DCDC1: variants seen among roughly 807,000 people sequenced by gnomAD.
The protein encoded by DCDC1 is doublecortin domain containing 1.
Under a neutral mutation model 178.3 loss-of-function variants are expected in DCDC1, and 200 were observed. The observed-to-expected ratio is 1.12, with a 90% CI of 1.00 to 1.26. The LOEUF is 1.26. DCDC1 is among the 50% of genes most tolerant of loss of function. The pLI is 0.00. For missense variants in DCDC1, 1,983 were observed against 1,749.2 expected, an observed-to-expected ratio of 1.13 and a Z score of -2.38; for synonymous variants, 690 against 604.8, an observed-to-expected ratio of 1.14 and a Z score of -2.07.
In DCDC1 at chr11:31,077,926, C is replaced by G; in HGVS notation, c.2238-1G>C. The G allele has an allele frequency of 1.3e-6, 1 of 766,026 alleles. No individual in the cohort carries two copies. The highest frequency in any genetic ancestry group is 2.4e-6 in the Non-Finnish European group (1 of 417,690). The allele number at this position is 766,026 out of a possible 1,614,324, so 47.5% of individuals were successfully genotyped here. A position where few individuals can be genotyped will look rare whatever the true frequency, so the allele number is the denominator to read the frequency against. On this transcript the variant is annotated splice_acceptor_variant, in intron 17 of 38. Transcript: ENST00000684477. LOFTEE classifies it high-confidence loss of function. ...CTTCTGAGAGTCATCTCCACTATGT[C>G]TGTAACGAAAATGTAATTTAGAGAT...
At chr11:30,950,734 A>G (rs1948368094) in intron 21 of DCDC1, among the ~76,000 whole-genome samples, 3 of 152,088 alleles carry the variant, frequency 2.0e-5, no homozygotes, top group Admixed American at 6.6e-5. Context: ...GAATAAAGGG[A>G]GGTTGTTTAA....
intron 7 of DCDC1, 110 bp downstream of exon 7, chr11:31,290,537 T>G (rs1591655349): frequency 8.4e-7 from 1 of 1,189,050 alleles, no homozygotes; most frequent in East Asian, 2.6e-5. Flanking sequence ...TAATGTCTTG[T>G]TAATATTTCT....
intron 9 of DCDC1, among the ~76,000 whole-genome samples, chr11:31,206,407 GTGTT>G (rs756778116): frequency 1.3e-5 from 2 of 151,904 alleles, no homozygotes; most frequent in African/African-American, 2.4e-5. Flanking sequence ...ATGGATTTCT[GTGTT>G]TGTTTGTTTG....
intron 33 of DCDC1, 34 bp downstream of exon 33, chr11:30,900,312 C>G: frequency 2.0e-6 from 3 of 1,478,158 alleles, no homozygotes; most frequent in African/African-American, 2.8e-5. Context: ...CCTTCATATA[C>G]TTGCTTGAAA....
In DCDC1 at chr11:30,894,316, C is replaced by T. The variant is rs373790828; in HGVS notation, c.4834G>A (p.Val1612Ile). 1 of 1,613,934 alleles carries T rather than the reference C, an allele frequency of 6.2e-7. No individual in the cohort carries two copies. The highest frequency in any genetic ancestry group is 1.3e-5 in the African/African-American group (1 of 75,062). ...PTKSPVQPVV[V>I]EGGWTEQTQQ... Reference sequence around the variant, plus strand: ...GTCTGTTCGGTCCAGCCTCCTTCAACCACCACGGGCTGCACAGGGCTCTTG... The same window carrying T: ...GTCTGTTCGGTCCAGCCTCCTTCAATCACCACGGGCTGCACAGGGCTCTTG... The change falls in exon 35 of 39, where the codon GTT becomes ATT. Residue 1612 changes from valine to isoleucine, a missense_variant. By Grantham distance (29) the Val-to-Ile change is conservative (BLOSUM62 3). Transcript: ENST00000684477.
chr11:31,049,073 T>C (rs1045837298), intron 20 of DCDC1, among the ~76,000 whole-genome samples: 2 of 152,228 alleles, frequency 1.3e-5, no homozygotes, highest in East Asian at 1.9e-4. Flanking sequence ...GCCTATGTCA[T>C]AGTTTGGTTA....
chr11:31,120,903 G>A (rs921219085), intron 11 of DCDC1, among the ~76,000 whole-genome samples: 1 of 152,052 alleles, frequency 6.6e-6, no homozygotes, highest in African/African-American at 2.4e-5. Context: ...TAACATTGCT[G>A]ACATTTCCAT....
chr11:31,260,591 C>A (rs371974203), intron 8 of DCDC1, among the ~76,000 whole-genome samples: 3 of 152,096 alleles, frequency 2.0e-5, no homozygotes, highest in African/African-American at 7.2e-5. Flanking sequence ...CATTTCAGAA[C>A]CACTAGGGTA....
intron 9 of DCDC1, among the ~76,000 whole-genome samples, chr11:31,207,899 C>A (rs1463558551): frequency 6.6e-6 from 1 of 152,148 alleles, no homozygotes. Flanking sequence ...CCATTGTCTT[C>A]CCACTTTAAT....
intron 9 of DCDC1, among the ~76,000 whole-genome samples, chr11:31,196,672 C>T (rs112893745): frequency 6.6e-6 from 1 of 152,054 alleles, no homozygotes; most frequent in African/African-American, 2.4e-5. Context: ...CCCCGTGAAC[C>T]ACCCTCTAAG....
intron 10 of DCDC1, among the ~76,000 whole-genome samples, chr11:31,137,236 T>C (rs1963244963): frequency 6.6e-6 from 1 of 152,188 alleles, no homozygotes; most frequent in South Asian, 2.1e-4. Flanking sequence ...ATCAATAAAA[T>C]GATACCCGGT....
chr11:31,124,192 C>A lies in DCDC1; in HGVS notation c.1485+3277G>T, dbSNP rs534868918. Among the ~76,000 whole-genome samples, 12 of 152,046 alleles carry A rather than the reference C, an allele frequency of 7.9e-5. No individual in the cohort carries two copies. The South Asian group carries it at 2.5e-3, about 32-fold the overall frequency. ...AGGTCTTATTATTTTGAGGTACATTCCTTCAATAGCCAGTTTATTGAGAGT... is the reference window on the plus strand; with the variant it reads ...AGGTCTTATTATTTTGAGGTACATTACTTCAATAGCCAGTTTATTGAGAGT... On this transcript the variant is annotated intron_variant, in intron 11 of 38. Transcript: ENST00000684477.
chr11:30,945,746 ATCTG>A (rs10566619), intron 21 of DCDC1, among the ~76,000 whole-genome samples: 4,908 of 106,888 alleles, frequency 0.046, 252 homozygotes, highest in African/African-American at 0.19. Context: ...CTATCTATCT[ATCTG>A]TCTGTCTGTC....
chr11:31,088,376 G>C (rs892441614), intron 17 of DCDC1, among the ~76,000 whole-genome samples: 7 of 151,478 alleles, frequency 4.6e-5, no homozygotes, highest in Non-Finnish European at 1.0e-4. Context: ...TCTGTTCTTT[G>C]TTCCCCTTTT....
chr11:30,903,728 C>A, intron 31 of DCDC1, 45 bp from the exon 32 acceptor site: 2 of 1,418,148 alleles, frequency 1.4e-6, no homozygotes, highest in African/African-American at 1.4e-5. Flanking sequence ...AAGGTGATAG[C>A]ATTGGGAATG....
chr11:30,940,580 A>AGTT (rs1485912903), intron 21 of DCDC1, among the ~76,000 whole-genome samples: 5 of 152,188 alleles, frequency 3.3e-5, no homozygotes, highest in African/African-American at 1.2e-4. Context: ...CTGTGTGACA[A>AGTT]GCAGCAGGAC....
intron 9 of DCDC1, among the ~76,000 whole-genome samples, chr11:31,178,575 G>A (rs1336993754): frequency 1.3e-5 from 2 of 152,130 alleles, no homozygotes; most frequent in African/African-American, 4.8e-5. Flanking sequence ...TTAACAAAAT[G>A]AAGAGACAAC....
At chr11:30,899,274 T>C (rs953645236) in intron 34 of DCDC1, among the ~76,000 whole-genome samples, 20 of 152,142 alleles carry the variant, frequency 1.3e-4, no homozygotes, top group African/African-American at 3.6e-4. Flanking sequence ...CTTGCCCAGG[T>C]ATCCTCCTAA....
In DCDC1 at chr11:31,145,418, C is replaced by T. The variant is rs191016385; in HGVS notation, c.1222-7634G>A. ...GAAGAGATCTTTACTAGGTAATGAC[C>T]GGAAGTAGCCTTATTGGAGCTGAAA... is the stretch of plus-strand genomic sequence containing the variant. On this transcript the variant is annotated intron_variant, in intron 9 of 38. Coordinates refer to ENST00000684477, the MANE Select transcript of DCDC1 (RefSeq NM_001387274.1). Among the ~76,000 whole-genome samples the T allele has an allele frequency of 1.1e-4, 16 of 152,188 alleles. No individual in the cohort carries two copies. In the East Asian group the frequency reaches 1.4e-3, roughly 13 times the overall value.
Sources: gnomAD v4.1 joint callset for allele counts (sites outside exome capture counted in the v4.1 genomes callset) on GRCh38, gnomAD v4.1.1 for gene constraint, MANE v1.5 for transcripts, NCBI Gene and HGNC (gene_info 2026-07-23, HGNC 2026-07-21) for gene names.